The following TET3 variants were observed in gnomAD, a reference collection of about 807,000 sequenced individuals.
TET3 encodes methylcytosine dioxygenase TET3.
Under a neutral mutation model 141.4 loss-of-function variants are expected in TET3, and 19 were observed. The observed-to-expected ratio is 0.13, with a 90% CI of 0.09 to 0.20. The LOEUF (loss-of-function observed/expected upper bound fraction) is 0.20. Ranked by LOEUF, TET3 falls within the 10% of genes least tolerant of loss-of-function variation. TET3 has a pLI of 1.00. For synonymous variants in TET3, 1,043 were observed against 980.9 expected, an observed-to-expected ratio of 1.06 and a Z score of -1.18; for missense variants, 1,874 against 2,356.9, an observed-to-expected ratio of 0.80 and a Z score of 4.24.
At chr2:74,076,099 G>A (rs552691241) in intron 5 of TET3, among the ~76,000 whole-genome samples, 2 of 152,048 alleles carry the variant, frequency 1.3e-5, no homozygotes, top group East Asian at 3.9e-4. Context: ...TTATAGAAAA[G>A]TATTTTGAAA....
chr2:74,102,093 C>T lies in TET3; in HGVS notation c.5305C>T (p.Leu1769=), dbSNP rs1423652944. The change falls in exon 12 of 12, where the codon CTG becomes TTG. Residue 1769 remains leucine, a synonymous_variant. Coordinates refer to ENST00000409262, the MANE Select transcript of TET3 (RefSeq NM_001287491.2). Reference sequence around the variant, plus strand: ...GGGGGTCGTCCCCACCCGGCAGGCACTGGCTGTGCCCACAGACTCGGCGGT... The same window carrying T: ...GGGGGTCGTCCCCACCCGGCAGGCATTGGCTGTGCCCACAGACTCGGCGGT... The part of the protein sequence containing the change: ...KKGVVPTRQA[L]AVPTDSAVTV... 4.0e-6 allele frequency: 6 copies of T among 1,503,360 alleles called. No homozygotes were observed. The South Asian group carries it at 4.1e-5, about 10-fold the overall frequency. The allele number at this position is 1,503,360 out of a possible 1,614,324, so 93.1% of individuals were successfully genotyped here.
intron 4 of TET3, among the ~76,000 whole-genome samples, chr2:74,057,415 C>T (rs1688276810): frequency 6.6e-6 from 1 of 152,214 alleles, no homozygotes; most frequent in East Asian, 1.9e-4. Context: ...TCTCCTATCC[C>T]CTCTCAGACT....
intron 2 of TET3, among the ~76,000 whole-genome samples, chr2:74,002,465 T>C (rs1012035596): frequency 2.0e-5 from 3 of 150,608 alleles, no homozygotes; most frequent in Non-Finnish European, 4.4e-5. Context: ...GGGTATTACC[T>C]TCGGGGTCCC....
chr2:74,039,141 G>A (rs2105325944), intron 3 of TET3, among the ~76,000 whole-genome samples: 1 of 152,234 alleles, frequency 6.6e-6, no homozygotes, highest in Middle Eastern at 3.4e-3. Flanking sequence ...TAGCATTCAG[G>A]CTGTGGTCCA....
intron 3 of TET3, among the ~76,000 whole-genome samples, chr2:74,013,021 A>T: frequency 6.9e-6 from 1 of 145,212 alleles, no homozygotes. Flanking sequence ...TTTGAGACAG[A>T]GTCTTGCTCT....
the TET3 span, among the ~76,000 whole-genome samples, chr2:74,133,890 G>A: frequency 5.9e-5 from 9 of 152,086 alleles, no homozygotes; most frequent in East Asian, 3.9e-4. Context: ...GATTACAGGC[G>A]CGTGCCATCA....
chr2:74,120,836 ATACAT>A, the TET3 span: 1 of 152,446 alleles, frequency 6.6e-6, no homozygotes, highest in Non-Finnish European at 1.5e-5. Flanking sequence ...AGGAGAAAGA[ATACAT>A]TACGTAAAAC....
In TET3 at chr2:74,106,581, C is replaced by G. The variant is rs996280596; in HGVS notation, c.*4405C>G. ...TTGCTTCTGCCTCTCATTGGTAACC[C>G]CTTATGTTCGGACTAAAGGAAGGAG... On this transcript the variant is annotated 3_prime_UTR_variant, in exon 12 of 12. Transcript: ENST00000409262. 3 of 153,720 alleles carry G rather than the reference C, an allele frequency of 2.0e-5. No individual in the cohort carries two copies. The highest frequency in any genetic ancestry group is 2.9e-5 in the Non-Finnish European group (2 of 68,052). The allele number at this position is 153,720 out of a possible 1,614,324, so 9.5% of individuals were successfully genotyped here.
intron 4 of TET3, among the ~76,000 whole-genome samples, chr2:74,058,422 G>A (rs1335320915): frequency 1.3e-5 from 2 of 151,968 alleles, no homozygotes; most frequent in Admixed American, 6.6e-5. Flanking sequence ...AAGTGAAAAG[G>A]TGTTATAAGT....
At chr2:74,051,160 A>G (rs575164189) in intron 4 of TET3, among the ~76,000 whole-genome samples, 1 of 152,286 alleles carries the variant, frequency 6.6e-6, no homozygotes, top group African/African-American at 2.4e-5. Context: ...GCAGGATGGG[A>G]TGTTGCAAGG....
At chr2:74,024,798 CAG>C (rs1352002823) in intron 3 of TET3, among the ~76,000 whole-genome samples, 1 of 152,160 alleles carries the variant, frequency 6.6e-6, no homozygotes, top group African/African-American at 2.4e-5. Flanking sequence ...GGCATAATTT[CAG>C]AGTTTTACAA....
At chr2:74,120,214 C>T in the TET3 span, among the ~76,000 whole-genome samples, 21 of 152,342 alleles carry the variant, frequency 1.4e-4, no homozygotes, top group Admixed American at 3.3e-4. Context: ...CCGGCTCCCC[C>T]GCCCGCCCAA....
At chr2:74,073,691 A>T in intron 5 of TET3, 52 bp downstream of exon 5, 1 of 1,433,644 alleles carries the variant, frequency 7.0e-7, no homozygotes, top group Non-Finnish European at 9.5e-7. Context: ...TTAATGGAAT[A>T]CGGATATTAA....
At position 74,057,380 on chromosome 2, in the gene TET3, G is replaced by A. The variant is rs948294603; in HGVS notation, c.2494+8969G>A. 3.3e-5 allele frequency among the ~76,000 whole-genome samples: 5 copies of A among 152,240 alleles called. No individual in the cohort carries two copies. In the East Asian group the frequency reaches 9.6e-4, roughly 29 times the overall value. On this transcript the variant is annotated intron_variant, in intron 4 of 11. Coordinates refer to ENST00000409262, the MANE Select transcript of TET3 (RefSeq NM_001287491.2). ...GGCTTGGAGATGAAATTTCCCAGTC[G>A]CAATTGTCCACAGCCAGCCCCAGTT...
At chr2:74,029,579 G>A (rs1034923220) in intron 3 of TET3, among the ~76,000 whole-genome samples, 2 of 152,190 alleles carry the variant, frequency 1.3e-5, no homozygotes, top group African/African-American at 4.8e-5. Context: ...TCCCAGTTTT[G>A]TAAATTAAGT....
rs192010411 is a variant in TET3, at chr2:74,065,434, A to C, written c.2495-8115A>C. Among the ~76,000 whole-genome samples the C allele has an allele frequency of 1.2e-3, 179 of 152,228 alleles. 1 individual carries two copies. The highest frequency in any genetic ancestry group is 2.1e-3 in the Non-Finnish European group (143 of 68,016). ...GGTCTTTGGACATACCTCACCCCAG[A>C]TCATTCTTTGATCATTTCTTTGCTT... On this transcript the variant is annotated intron_variant, in intron 4 of 11. Coordinates refer to ENST00000409262, the MANE Select transcript of TET3 (RefSeq NM_001287491.2).
chr2:74,092,402 T>G (rs1369934023), intron 8 of TET3, among the ~76,000 whole-genome samples: 1 of 152,180 alleles, frequency 6.6e-6, no homozygotes, highest in East Asian at 1.9e-4. Context: ...CTTTGAAGTC[T>G]GTCTGTATTC....
chr2:74,071,073 C>A (rs181002889), intron 4 of TET3, among the ~76,000 whole-genome samples: 1 of 152,190 alleles, frequency 6.6e-6, no homozygotes, highest in Non-Finnish European at 1.5e-5. Flanking sequence ...ACCAGCAGAT[C>A]TGGTGTCTGT....
chr2:74,112,248 C>A (rs1317145591), downstream of TET3, among the ~76,000 whole-genome samples: 5 of 152,150 alleles, frequency 3.3e-5, no homozygotes, highest in East Asian at 7.7e-4. Context: ...CATTTGGTGT[C>A]TTTTATCTGA....
Sources: allele counts gnomAD v4.1 joint callset (sites outside exome capture counted in the v4.1 genomes callset), GRCh38; gene constraint gnomAD v4.1.1; transcripts MANE v1.5; gene names NCBI Gene and HGNC (gene_info 2026-07-23, HGNC 2026-07-21).